RBMS1: variants seen among roughly 807,000 people sequenced by gnomAD.
The protein encoded by RBMS1 is RNA binding motif single stranded interacting protein 1, also known as RNA-binding motif, single-stranded-interacting protein 1.
A neutral mutation model predicts 62.3 loss-of-function variants in RBMS1; 17 were observed. That is an observed-to-expected ratio of 0.27 (90% confidence interval 0.19 to 0.41). The LOEUF (loss-of-function observed/expected upper bound fraction) is 0.41, where lower values mean the gene tolerates loss of function less well. Ranked by LOEUF, RBMS1 falls within the 10% of genes least tolerant of loss-of-function variation. RBMS1 has a pLI of 1.00. For missense variants in RBMS1, 334 were observed against 504.5 expected (o/e 0.66, Z 3.24); for synonymous variants, 172 against 170.0 (o/e 1.01, Z -0.09).
At chr2:160,342,677 A>G (rs1342466988) in intron 2 of RBMS1, among the ~76,000 whole-genome samples, 1 of 150,934 alleles carries the variant, frequency 6.6e-6, no homozygotes, top group Admixed American at 6.7e-5. Flanking sequence ...GCACTTAGGG[A>G]GGCCGAGGTG....
intron 4 of RBMS1, among the ~76,000 whole-genome samples, chr2:160,312,636 C>G (rs890431431): frequency 2.6e-5 from 4 of 152,078 alleles, no homozygotes; most frequent in African/African-American, 9.7e-5. Flanking sequence ...AAATGTCTCA[C>G]TATTGCACAG....
chr2:160,312,217 C>G (rs1331910564), intron 4 of RBMS1, among the ~76,000 whole-genome samples: 1 of 152,162 alleles, frequency 6.6e-6, no homozygotes, highest in African/African-American at 2.4e-5. Flanking sequence ...GGCATCATTA[C>G]TTTTGGAAGA....
In RBMS1 at chr2:160,384,624, A is replaced by G. The variant is rs1694470054; in HGVS notation, c.76-17233T>C. Among the ~76,000 whole-genome samples, 5 of 152,222 alleles carry G rather than the reference A, an allele frequency of 3.3e-5. No homozygotes were observed. In the South Asian group the frequency reaches 1.0e-3, roughly 31 times the overall value. On this transcript the variant is annotated intron_variant, in intron 1 of 13. Coordinates refer to ENST00000348849, the MANE Select transcript of RBMS1 (RefSeq NM_016836.4). ...CTAACTAGGTGACCTTGGGCAAAGC[A>G]TTTAAAGCTTCCAAGTCTCATCTCT...
chr2:160,282,457 A>C (rs1688153096), intron 9 of RBMS1: 1 of 510,478 alleles, frequency 2.0e-6, no homozygotes, highest in Non-Finnish European at 3.7e-6. Context: ...AGAAAGGCCC[A>C]CTCCAACATG....
chr2:160,283,770 C>T (rs1688226995), intron 9 of RBMS1: 1 of 152,024 alleles, frequency 6.6e-6, no homozygotes, highest in African/African-American at 2.4e-5. Context: ...ATGTGAGGTC[C>T]TTGGCTGGGC....
chr2:160,476,790 G>A (rs1384025098), intron 1 of RBMS1, among the ~76,000 whole-genome samples: 1 of 151,874 alleles, frequency 6.6e-6, no homozygotes, highest in African/African-American at 2.4e-5. Flanking sequence ...TCCTGACCTC[G>A]TGATCCGCCC....
chr2:160,364,179 G>A (rs1025248254), intron 2 of RBMS1, among the ~76,000 whole-genome samples: 3 of 152,204 alleles, frequency 2.0e-5, no homozygotes, highest in Non-Finnish European at 2.9e-5. Flanking sequence ...ATTAGGCCAA[G>A]GGATAGTAGA....
chr2:160,348,270 G>C (rs1369628678), intron 2 of RBMS1, among the ~76,000 whole-genome samples: 1 of 152,086 alleles, frequency 6.6e-6, no homozygotes, highest in African/African-American at 2.4e-5. Flanking sequence ...CTCTTCACCA[G>C]AGGAATGAAA....
At chr2:160,454,490 C>T (rs558552428) in intron 1 of RBMS1, among the ~76,000 whole-genome samples, 1 of 152,252 alleles carries the variant, frequency 6.6e-6, no homozygotes, top group African/African-American at 2.4e-5. Context: ...AAGTGCCTCT[C>T]TAAGGAAGCA....
intron 2 of RBMS1, among the ~76,000 whole-genome samples, chr2:160,365,271 C>T (rs1693335474): frequency 6.6e-6 from 1 of 152,172 alleles, no homozygotes; most frequent in Admixed American, 6.5e-5. Flanking sequence ...TTTGCCTCTG[C>T]ATGGTACATA....
intron 3 of RBMS1, among the ~76,000 whole-genome samples, chr2:160,315,670 G>C (rs1041407085): frequency 6.6e-6 from 1 of 152,070 alleles, no homozygotes; most frequent in Non-Finnish European, 1.5e-5. Flanking sequence ...TAAGTATTCT[G>C]GTCTTACATG....
intron 1 of RBMS1, among the ~76,000 whole-genome samples, chr2:160,377,760 C>A (rs1450425036): frequency 6.6e-6 from 1 of 152,138 alleles, no homozygotes; most frequent in East Asian, 1.9e-4. Flanking sequence ...GCAAAGGGAG[C>A]TTGGCTTTGA....
chr2:160,438,858 T>C (rs1371659228), intron 1 of RBMS1, among the ~76,000 whole-genome samples: 2 of 150,342 alleles, frequency 1.3e-5, no homozygotes, highest in African/African-American at 4.9e-5. Flanking sequence ...GCCCCTCACC[T>C]CCCGGACAGG....
At chr2:160,478,234 C>T (rs757141772) in intron 1 of RBMS1, among the ~76,000 whole-genome samples, 1 of 152,176 alleles carries the variant, frequency 6.6e-6, no homozygotes, top group Non-Finnish European at 1.5e-5. Context: ...CTGTGTATCC[C>T]AACACTTCGA....
chr2:160,451,515 C>T (rs1683990454), intron 1 of RBMS1, among the ~76,000 whole-genome samples: 1 of 151,970 alleles, frequency 6.6e-6, no homozygotes, highest in African/African-American at 2.4e-5. Context: ...GTAAAATAAC[C>T]TTAGTGTGTT....
At chr2:160,326,898 CTG>C (rs1163220698) in intron 2 of RBMS1, among the ~76,000 whole-genome samples, 1 of 152,166 alleles carries the variant, frequency 6.6e-6, no homozygotes. Context: ...TGGCTTGTCT[CTG>C]TGAATTTAGA....
chr2:160,365,409 ATGT>A (rs1350516045), intron 2 of RBMS1, among the ~76,000 whole-genome samples: 3 of 152,238 alleles, frequency 2.0e-5, no homozygotes, highest in African/African-American at 7.2e-5. Flanking sequence ...AAGGAGAGTA[ATGT>A]TTACACACGT....
At chr2:160,435,329 A>G (rs951867663) in intron 1 of RBMS1, among the ~76,000 whole-genome samples, 4 of 152,092 alleles carry the variant, frequency 2.6e-5, no homozygotes, top group Non-Finnish European at 5.9e-5. Flanking sequence ...GAATACTTTT[A>G]TTCATTTAAG....
intron 5 of RBMS1, among the ~76,000 whole-genome samples, chr2:160,301,580 G>C (rs1319519126): frequency 6.6e-6 from 1 of 152,174 alleles, no homozygotes; most frequent in Non-Finnish European, 1.5e-5. Flanking sequence ...ACCCACAGAG[G>C]TGACAAAATG....
Sources: allele counts gnomAD v4.1 joint callset (sites outside exome capture counted in the v4.1 genomes callset), GRCh38; gene constraint gnomAD v4.1.1; transcripts MANE v1.5; gene names NCBI Gene and HGNC (gene_info 2026-07-23, HGNC 2026-07-21).